ALK: variants seen among roughly 807,000 people sequenced by gnomAD.
ALK encodes ALK tyrosine kinase receptor.
ALK carries 74 observed loss-of-function variants against 163.1 expected under a neutral mutation model. The observed-to-expected ratio is 0.45, with a 90% CI of 0.38 to 0.55. ALK has a LOEUF of 0.55. Ranked by LOEUF, ALK falls within the 20% of genes least tolerant of loss-of-function variation. The probability of loss-of-function intolerance (pLI) is 0.00; values close to 1 mark genes in which losing one functional copy is unlikely to be tolerated. For synonymous variants in ALK, 960 were observed against 843.2 expected, an observed-to-expected ratio of 1.14 and a Z score of -2.40; for missense variants, 2,063 against 2,105.3, an observed-to-expected ratio of 0.98 and a Z score of 0.39.
intron 3 of ALK, among the ~76,000 whole-genome samples, chr2:29,585,917 T>C (rs1451963369): frequency 6.6e-6 from 1 of 152,098 alleles, no homozygotes; most frequent in African/African-American, 2.4e-5. Context: ...ATAACTACTA[T>C]GAGAATTAGT....
At chr2:29,682,500 C>T (rs149826143) in intron 3 of ALK, among the ~76,000 whole-genome samples, 45 of 152,314 alleles carry the variant, frequency 3.0e-4, no homozygotes, top group African/African-American at 1.1e-3. Flanking sequence ...TCCCACACTG[C>T]ACTGCCTGGG....
intron 3 of ALK, among the ~76,000 whole-genome samples, chr2:29,578,584 T>C (rs6547955): frequency 0.36 from 54,576 of 152,104 alleles, 10,048 homozygotes; most frequent in African/African-American, 0.43. Context: ...GGGGCTCCCA[T>C]GTGAAGGCAT....
intron 1 of ALK, among the ~76,000 whole-genome samples, chr2:29,866,381 G>A (rs4666285): frequency 0.96 from 146,326 of 152,272 alleles, 70,598 homozygotes; most frequent in East Asian, 1. Context: ...AACTCGACAC[G>A]CAATGCTCAG....
intron 4 of ALK, among the ~76,000 whole-genome samples, chr2:29,503,826 A>ATG (rs1428551589): frequency 1.3e-3 from 195 of 152,204 alleles, no homozygotes; most frequent in African/African-American, 4.4e-3. Context: ...GCTTCTACTA[A>ATG]GTGCTATGAA....
intron 3 of ALK, among the ~76,000 whole-genome samples, chr2:29,644,363 C>T (rs560545739): frequency 2.0e-4 from 30 of 151,248 alleles, no homozygotes; most frequent in Non-Finnish European, 3.7e-4. Flanking sequence ...CAAACCTGCA[C>T]GTTGTGCACA....
intron 26 of ALK, 113 bp downstream of exon 26, chr2:29,207,058 C>T (rs767527357): frequency 1.2e-6 from 1 of 806,252 alleles, no homozygotes; most frequent in Non-Finnish European, 2.2e-6. Context: ...ATTGATTCTT[C>T]TCTTTTCCCT....
chr2:29,666,485 T>G (rs939463801), intron 3 of ALK, among the ~76,000 whole-genome samples: 1 of 152,138 alleles, frequency 6.6e-6, no homozygotes, highest in African/African-American at 2.4e-5. Flanking sequence ...TAAACCATTC[T>G]AGACCAGTAC....
chr2:29,246,278 G>A lies in ALK; in HGVS notation c.2204+4827C>T, dbSNP rs1664668030. ...AGAGAGAGGGGGCGGGCTGGGCTGA[G>A]TGCTGGCGCCTCTGCCTGTGGCAGG... is the stretch of plus-strand genomic sequence containing the variant. On this transcript the variant is annotated intron_variant, in intron 12 of 28. Coordinates refer to ENST00000389048, the MANE Select transcript of ALK (RefSeq NM_004304.5). The surrounding 1 kb of genome is among the most constrained non-coding windows in gnomAD (Gnocchi z 4.3). Among the ~76,000 whole-genome samples, 1 of 152,112 alleles carries A rather than the reference G, an allele frequency of 6.6e-6. No individual in the cohort carries two copies. The highest frequency in any genetic ancestry group is 2.1e-4 in the South Asian group (1 of 4,838).
chr2:29,673,514 T>C (rs1677772394), intron 3 of ALK, among the ~76,000 whole-genome samples: 1 of 87,176 alleles, frequency 1.1e-5, no homozygotes, highest in African/African-American at 5.7e-5. Flanking sequence ...TTCTGAGGGC[T>C]CTGTTCTGTT....
At chr2:29,627,372 C>T (rs1676226699) in intron 3 of ALK, among the ~76,000 whole-genome samples, 1 of 152,172 alleles carries the variant, frequency 6.6e-6, no homozygotes, top group African/African-American at 2.4e-5. Flanking sequence ...ACTCCCTCTC[C>T]CCAACATAAG....
At chr2:29,241,930 T>C (rs2148190332) in intron 12 of ALK, among the ~76,000 whole-genome samples, 1 of 152,248 alleles carries the variant, frequency 6.6e-6, no homozygotes, top group Admixed American at 6.5e-5. Context: ...TTAGAGGTCA[T>C]TTCCTCCCCA....
chr2:29,861,670 T>C (rs1310079932), intron 1 of ALK, among the ~76,000 whole-genome samples: 1 of 152,152 alleles, frequency 6.6e-6, no homozygotes, highest in Non-Finnish European at 1.5e-5. Flanking sequence ...GCCCAGGAGT[T>C]GAGGGTTTCA....
chr2:29,196,616 C>A (rs537208588), intron 28 of ALK, among the ~76,000 whole-genome samples, 154 bp downstream of exon 28: 1 of 152,292 alleles, frequency 6.6e-6, no homozygotes, highest in Non-Finnish European at 1.5e-5. Context: ...AATGGAGACA[C>A]CAGTCATTTC....
chr2:29,272,337 C>A (rs1467619993), intron 11 of ALK, among the ~76,000 whole-genome samples: 1 of 152,214 alleles, frequency 6.6e-6, no homozygotes. Flanking sequence ...CTTTCAGCAT[C>A]TTCATCTGAT....
At chr2:29,602,936 G>A (rs1675419209) in intron 3 of ALK, among the ~76,000 whole-genome samples, 2 of 152,178 alleles carry the variant, frequency 1.3e-5, no homozygotes, top group African/African-American at 4.8e-5. Flanking sequence ...ATATTAAGGG[G>A]ACATAAGACA....
chr2:29,457,113 T>C (rs796550604), intron 4 of ALK, among the ~76,000 whole-genome samples: 13 of 152,264 alleles, frequency 8.5e-5, no homozygotes, highest in African/African-American at 3.1e-4. Context: ...AACTTTCTCT[T>C]GAGTTTAAAA....
At chr2:29,888,780 C>A (rs749732598) in intron 1 of ALK, among the ~76,000 whole-genome samples, 3 of 152,098 alleles carry the variant, frequency 2.0e-5, no homozygotes, top group Non-Finnish European at 2.9e-5. Flanking sequence ...CATTGAAAAA[C>A]CACTTTAAAA....
chr2:29,263,776 C>T (rs1665146276), intron 11 of ALK, among the ~76,000 whole-genome samples: 1 of 152,190 alleles, frequency 6.6e-6, no homozygotes, highest in Non-Finnish European at 1.5e-5. Flanking sequence ...CCAAGAGGAT[C>T]TCAGAGATGT....
chr2:29,869,217 C>A (rs577387828), intron 1 of ALK, among the ~76,000 whole-genome samples: 19 of 152,324 alleles, frequency 1.2e-4, no homozygotes, highest in African/African-American at 2.4e-4. Flanking sequence ...GTTTGCTATG[C>A]AACCATATAA....
Sources: gnomAD v4.1 joint callset for allele counts (sites outside exome capture counted in the v4.1 genomes callset) on GRCh38, gnomAD v4.1.1 for gene constraint, Gnocchi (gnomAD v3.1) non-coding constraint, MANE v1.5 for transcripts, NCBI Gene and HGNC (gene_info 2026-07-23, HGNC 2026-07-21) for gene names.